MYO18B: variants seen among roughly 807,000 people sequenced by gnomAD.
The protein encoded by MYO18B is unconventional myosin-XVIIIb.
MYO18B carries 204 observed loss-of-function variants against 273.0 expected under a neutral mutation model. The observed-to-expected ratio is 0.75, with a 90% CI of 0.67 to 0.84. The LOEUF (loss-of-function observed/expected upper bound fraction) is 0.84. Among genes scored for constraint, MYO18B ranks in the 40% least tolerant of loss-of-function variants. The pLI is 0.00. For missense variants in MYO18B, 3,212 were observed against 3,287.6 expected, an observed-to-expected ratio of 0.98 and a Z score of 0.56; for synonymous variants, 1,330 against 1,305.7, an observed-to-expected ratio of 1.02 and a Z score of -0.40.
At chr22:25,966,224 A>C (rs1003061447) in intron 39 of MYO18B, among the ~76,000 whole-genome samples, 1 of 152,144 alleles carries the variant, frequency 6.6e-6, no homozygotes, top group Non-Finnish European at 1.5e-5. Context: ...GCCCAAAGTC[A>C]GGTTCTGTTT....
chr22:25,890,620 CT>C lies in MYO18B; in HGVS notation c.4315-134del, dbSNP rs2091631806. The C allele has an allele frequency of 1.8e-5, 23 of 1,290,424 alleles. No individual in the cohort carries two copies. The South Asian group carries it at 3.5e-4, about 20-fold the overall frequency. The allele number at this position is 1,290,424 out of a possible 1,614,324, so 79.9% of individuals were successfully genotyped here. ...CCAATAAAATTCTGAAGTCCATCCT[CT>C]TAACGAGTTGATTATACTCAAGGGT... On this transcript the variant is annotated intron_variant, in intron 25 of 43. Transcript: ENST00000335473.
rs575279673 is a variant in MYO18B at position 25,858,856 on chromosome 22, T to G, written c.3885+7277T>G. Among the ~76,000 whole-genome samples, 21 of 152,328 alleles carry G rather than the reference T, an allele frequency of 1.4e-4. No individual in the cohort carries two copies. In the South Asian group the frequency reaches 1.9e-3, roughly 14 times the overall value. On this transcript the variant is annotated intron_variant, in intron 21 of 43. Coordinates refer to ENST00000335473, the MANE Select transcript of MYO18B (RefSeq NM_032608.7). ...TGAATGAATCTTACTAGTTGTGAAT[T>G]CGAAGTGGGATAGCTTAACAGGTTA...
At chr22:25,861,882 A>T (rs375080906) in intron 21 of MYO18B, among the ~76,000 whole-genome samples, 1 of 152,206 alleles carries the variant, frequency 6.6e-6, no homozygotes. Flanking sequence ...GCTCCAATAT[A>T]GCTCACGTCT....
chr22:25,765,914 A>G (rs1048699460), intron 3 of MYO18B, among the ~76,000 whole-genome samples: 1 of 152,160 alleles, frequency 6.6e-6, no homozygotes, highest in Non-Finnish European at 1.5e-5. Flanking sequence ...AGTGCAGTCA[A>G]TCCCCCTTCC....
the MYO18B span, among the ~76,000 whole-genome samples, chr22:26,042,642 T>C: frequency 1.3e-5 from 2 of 152,210 alleles, no homozygotes; most frequent in African/African-American, 4.8e-5. Flanking sequence ...GCTGTAAATA[T>C]CAGGACAGTC....
rs539060565 is a variant in MYO18B, at chr22:25,955,004, C to T, written c.5971-175C>T. On this transcript the variant is annotated intron_variant, in intron 38 of 43. Coordinates refer to ENST00000335473, the MANE Select transcript of MYO18B (RefSeq NM_032608.7). ...GGATTACAGGCTTGAGCACTGCGCC[C>T]GACCATCATTTTTTGCATGTTGTTA... is the stretch of plus-strand genomic sequence containing the variant. 7.6e-4 allele frequency among the ~76,000 whole-genome samples: 116 copies of T among 152,286 alleles called. No homozygotes were observed. The Middle Eastern group carries it at 0.01, about 13-fold the overall frequency.
intron 7 of MYO18B, among the ~76,000 whole-genome samples, chr22:25,775,683 G>A (rs929902241): frequency 9.9e-5 from 15 of 151,910 alleles, no homozygotes; most frequent in Admixed American, 7.9e-4. Flanking sequence ...TTTCATTCCC[G>A]CCCACTGGCC....
chr22:25,930,850 T>C lies in MYO18B; in HGVS notation c.5517+9441T>C, dbSNP rs138026022. ...TTTACTCAGGTGGAGCCACAAAGCC[T>C]TGTGCGACTTATACACTGTGAGCTC... On this transcript the variant is annotated intron_variant, in intron 34 of 43. Transcript: ENST00000335473. 4.0e-4 allele frequency among the ~76,000 whole-genome samples: 61 copies of C among 152,282 alleles called. No homozygotes were observed. The East Asian group carries it at 0.011, about 28-fold the overall frequency.
chr22:25,839,914 G>A (rs368733960), intron 17 of MYO18B, among the ~76,000 whole-genome samples: 56 of 152,304 alleles, frequency 3.7e-4, no homozygotes, highest in East Asian at 1.9e-3. Flanking sequence ...GGTGAAACCC[G>A]TGGGCTGTGG....
At chr22:26,016,283 C>A (rs774749181) in intron 42 of MYO18B, among the ~76,000 whole-genome samples, 29 of 152,306 alleles carry the variant, frequency 1.9e-4, no homozygotes, top group Non-Finnish European at 3.1e-4. Context: ...GTTGTAGAGC[C>A]AGTACTTGCA....
chr22:25,765,456 C>T (rs538537882), intron 3 of MYO18B, among the ~76,000 whole-genome samples: 1 of 152,244 alleles, frequency 6.6e-6, no homozygotes, highest in East Asian at 1.9e-4. Flanking sequence ...CCTGGTTCTC[C>T]TAGGGCTACC....
At position 25,940,017 on chromosome 22, in the gene MYO18B, A is replaced by G. The variant is rs540992684; in HGVS notation, c.5518-6120A>G. ...TGGCACAGAGTAACAGCTCATGCTC[A>G]TAACCTTTGTGCATGGCATCTCCTA... On this transcript the variant is annotated intron_variant, in intron 34 of 43. Coordinates refer to ENST00000335473, the MANE Select transcript of MYO18B (RefSeq NM_032608.7). 3.9e-5 allele frequency among the ~76,000 whole-genome samples: 6 copies of G among 152,356 alleles called. No homozygotes were observed. In the South Asian group the frequency reaches 1.2e-3, roughly 32 times the overall value.
At chr22:25,891,552 C>T (rs977015880) in intron 27 of MYO18B, 140 bp downstream of exon 27, 12 of 626,566 alleles carry the variant, frequency 1.9e-5, no homozygotes, top group Middle Eastern at 4.3e-4. Context: ...ACAGGCACAG[C>T]GTACTCTCTT....
At chr22:25,771,871 CTA>C (rs1375246391) in intron 6 of MYO18B, among the ~76,000 whole-genome samples, 1 of 152,192 alleles carries the variant, frequency 6.6e-6, no homozygotes, top group African/African-American at 2.4e-5. Flanking sequence ...GCATGATGGG[CTA>C]TGAGACCAGT....
At chr22:25,982,164 C>A (rs1321008129) in intron 39 of MYO18B, among the ~76,000 whole-genome samples, 1 of 152,180 alleles carries the variant, frequency 6.6e-6, no homozygotes, top group African/African-American at 2.4e-5. Flanking sequence ...CCCACCAGGC[C>A]GGCCCCTCTT....
At chr22:25,766,142 T>C (rs533519681) in intron 3 of MYO18B, among the ~76,000 whole-genome samples, 1 of 151,958 alleles carries the variant, frequency 6.6e-6, no homozygotes, top group Non-Finnish European at 1.5e-5. Context: ...AGGAAGGGCA[T>C]CTAATATGCC....
At chr22:25,840,556 T>C (rs1002186470) in intron 17 of MYO18B, among the ~76,000 whole-genome samples, 4 of 152,242 alleles carry the variant, frequency 2.6e-5, no homozygotes, top group African/African-American at 9.6e-5. Context: ...GCGAGGCTGG[T>C]CACCTCTGTG....
chr22:25,765,380 C>A (rs1383304810), intron 3 of MYO18B, among the ~76,000 whole-genome samples: 1 of 152,192 alleles, frequency 6.6e-6, no homozygotes, highest in South Asian at 2.1e-4. Flanking sequence ...CTCATCTAAT[C>A]CTTGCAAGAA....
intron 1 of MYO18B, among the ~76,000 whole-genome samples, chr22:25,752,854 G>T (rs1457496986): frequency 6.6e-6 from 1 of 152,178 alleles, no homozygotes; most frequent in African/African-American, 2.4e-5. Flanking sequence ...CGGGAACCGG[G>T]GCCAGTGCGA....
Sources: allele counts gnomAD v4.1 joint callset (sites outside exome capture counted in the v4.1 genomes callset), GRCh38; gene constraint gnomAD v4.1.1; transcripts MANE v1.5; gene names NCBI Gene and HGNC (gene_info 2026-07-23, HGNC 2026-07-21).